The following SRCAP variants were observed in gnomAD, a reference collection of about 807,000 sequenced individuals.
SRCAP encodes chromatin remodeling protein SRCAP.
A neutral mutation model predicts 263.1 loss-of-function variants in SRCAP; 46 were observed. The observed-to-expected ratio is 0.17, with a 90% CI of 0.14 to 0.22. The LOEUF (loss-of-function observed/expected upper bound fraction) is 0.22, where lower values mean the gene tolerates loss of function less well. Among genes scored for constraint, SRCAP ranks in the 10% least tolerant of loss-of-function variants. SRCAP has a pLI of 1.00. For missense variants in SRCAP, 3,695 were observed against 4,181.9 expected (o/e 0.88, Z 3.21); for synonymous variants, 1,813 against 1,662.1 (o/e 1.09, Z -2.21).
intron 4 of SRCAP, among the ~76,000 whole-genome samples, chr16:30,705,972 G>C (rs1011258110): frequency 6.6e-6 from 1 of 152,158 alleles, no homozygotes; most frequent in African/African-American, 2.4e-5. Context: ...CCAAAGTGCT[G>C]GGATTACAGG....
rs201481558 is a variant in SRCAP, at chr16:30,710,096, G to A, written c.1102G>A (p.Gly368Ser). The A allele has an allele frequency of 1.9e-6, 3 of 1,613,960 alleles. No individual in the cohort carries two copies. Among genetic ancestry groups the A allele is most frequent in the Non-Finnish European group, 2.5e-6 (3 of 1,180,002 alleles). Residue 368 changes from glycine (G) to serine (S), a missense_variant, in exon 8 of 34, where the codon GGT becomes AGT. Coordinates refer to ENST00000262518, the MANE Select transcript of SRCAP (RefSeq NM_006662.3). Reference sequence around the variant, plus strand: ...TGACACCCGAGATGGGCCTGAAGAAGGTGCTGAAGAAGAGCCCCCTCAGGT... The same window carrying A: ...TGACACCCGAGATGGGCCTGAAGAAAGTGCTGAAGAAGAGCCCCCTCAGGT... ...DSDTRDGPEE[G>S]AEEEPPQVLE...
chr16:30,711,210 AAGAC>A, intron 10 of SRCAP, 122 bp downstream of exon 10: 1 of 743,486 alleles, frequency 1.3e-6, no homozygotes, highest in Non-Finnish European at 2.3e-6. Context: ...TCTAATGACT[AAGAC>A]AGACTTGTAA....
rs1226052541 is a variant in SRCAP, at chr16:30,711,184, C to T, written c.1318+96C>T. The T allele has an allele frequency of 7.8e-6, 7 of 903,110 alleles. No homozygotes were observed. The African/African-American group carries it at 1.2e-4, about 15-fold the overall frequency. The allele number at this position is 903,110 out of a possible 1,614,324, so 55.9% of individuals were successfully genotyped here. ...ATGAATAAGGCACTTTGTATCCACCCTGGAGGAATTCCATGTCTAATGACT... is the reference window on the plus strand; with the variant it reads ...ATGAATAAGGCACTTTGTATCCACCTTGGAGGAATTCCATGTCTAATGACT... On this transcript the variant is annotated intron_variant, in intron 10 of 33. Transcript: ENST00000262518.
Position 30,738,166 on chromosome 16 carries a change from C to T in SRCAP, c.8126C>T (p.Ser2709Phe), listed in dbSNP as rs559812256. 6.2e-7 allele frequency: 1 copy of T among 1,614,222 alleles called. No individual in the cohort carries two copies. Among genetic ancestry groups the T allele is most frequent in the Non-Finnish European group, 8.5e-7 (1 of 1,180,036 alleles). The change falls in exon 34 of 34, where the codon TCC becomes TTC. Residue 2709 changes from serine to phenylalanine, a missense_variant. Physicochemically the swap from Ser to Phe is radical, Grantham distance 155 (BLOSUM62 -2). Around this residue, in one of 12 missense-constraint regions of SRCAP, gnomAD observed 1,207 missense variants for 1,142.9 expected, o/e 1.06. Transcript: ENST00000262518. ...CCATCCACCTCATCTTCAGCCACTT[C>T]CTCGCCTGAGGGTCCTTCACCTGCC... The part of the protein sequence containing the change: ...AAPSTSSSAT[S>F]SPEGPSPARP...
chr16:30,736,588 G>C lies in SRCAP; in HGVS notation c.6972G>C (p.Leu2324=). Residue 2324 remains leucine (L), a synonymous_variant, in exon 33 of 34, where the codon CTG becomes CTC. Transcript: ENST00000262518. ...RYAMKFLEAS[L]EEVSREELKQ... is the part of the protein sequence containing the mutation. The stretch of plus-strand genomic sequence containing the variant: ...CCATGAAATTCCTGGAGGCCTCACT[G>C]GAGGAGGTGAGCCGAGAGGAGCTCA... 1.9e-6 allele frequency: 3 copies of C among 1,614,240 alleles called. No individual in the cohort carries two copies. Among genetic ancestry groups the C allele is most frequent in the Non-Finnish European group, 2.5e-6 (3 of 1,180,048 alleles).
Position 30,739,751 on chromosome 16 carries a change from C to T in SRCAP, c.*18C>T. On this transcript the variant is annotated 3_prime_UTR_variant, in exon 34 of 34. Coordinates refer to ENST00000262518, the MANE Select transcript of SRCAP (RefSeq NM_006662.3). ...AGACGTGAGTGGGCTGCCCCTCCAC[C>T]TAGGCTTTCCACCGTGGCCACTCCC... 1.4e-6 allele frequency: 2 copies of T among 1,457,034 alleles called. No individual in the cohort carries two copies. The highest frequency in any genetic ancestry group is 1.8e-6 in the Non-Finnish European group (2 of 1,103,154). The allele number at this position is 1,457,034 out of a possible 1,614,324, so 90.3% of individuals were successfully genotyped here.
intron 16 of SRCAP, among the ~76,000 whole-genome samples, chr16:30,715,644 C>G (rs927468821): frequency 1.3e-5 from 2 of 150,972 alleles, no homozygotes; most frequent in Admixed American, 1.3e-4. Context: ...TTTACTTCTT[C>G]CGTGTCACTG....
At chr16:30,721,124 C>T (rs1458584844) in intron 20 of SRCAP, 65 bp from the exon 21 acceptor site, 15 of 1,545,774 alleles carry the variant, frequency 9.7e-6, no homozygotes, top group Middle Eastern at 1.8e-4. Context: ...AGTATGGAGG[C>T]TTCTGGCACC....
intron 4 of SRCAP, among the ~76,000 whole-genome samples, chr16:30,706,570 T>G (rs961556454): frequency 6.6e-6 from 1 of 152,224 alleles, no homozygotes; most frequent in African/African-American, 2.4e-5. Context: ...ATGACCACTC[T>G]TTTTTACACC....
chr16:30,717,947 TG>T (rs1163175704), intron 18 of SRCAP, among the ~76,000 whole-genome samples: 2 of 149,646 alleles, frequency 1.3e-5, no homozygotes, highest in Admixed American at 1.3e-4. Context: ...CTGGAAGAGA[TG>T]GTGTCTTGCC....
Position 30,733,873 on chromosome 16 carries a change from A to G in SRCAP, c.6495-21A>G, listed in dbSNP as rs1293414260. 43 of 1,613,378 alleles carry G rather than the reference A, an allele frequency of 2.7e-5. No individual in the cohort carries two copies. Among genetic ancestry groups the G allele is most frequent in the Non-Finnish European group, 3.4e-5 (40 of 1,179,692 alleles). On this transcript the variant is annotated intron_variant, in intron 29 of 33. Coordinates refer to ENST00000262518, the MANE Select transcript of SRCAP (RefSeq NM_006662.3). This position sits in a 1 kb window ranked among gnomAD's most constrained non-coding sequence, Gnocchi z 5.3. ...CCTGGATATATTTGGCTGCTTACAC[A>G]CGGCCTTCATCACCCCCTAGGCTTA...
chr16:30,711,151 A>T (rs879227445), intron 10 of SRCAP, 63 bp downstream of exon 10: 3 of 1,330,144 alleles, frequency 2.3e-6, no homozygotes, highest in South Asian at 2.5e-5. Flanking sequence ...AGTACCAAGG[A>T]TAAAGAGATG....
At chr16:30,715,282 T>A (rs1293915777) in intron 16 of SRCAP, among the ~76,000 whole-genome samples, 1 of 152,206 alleles carries the variant, frequency 6.6e-6, no homozygotes, top group Non-Finnish European at 1.5e-5. Context: ...AAACAGGAAG[T>A]CGGCCGGGCG....
At chr16:30,720,384 T>A in intron 19 of SRCAP, 53 bp downstream of exon 19, 3 of 1,576,508 alleles carry the variant, frequency 1.9e-6, no homozygotes, top group Non-Finnish European at 2.6e-6. Context: ...GGCTGAAAGC[T>A]GCCCAGAGGG....
Position 30,739,779 on chromosome 16 carries a change from C to A in SRCAP, c.*46C>A. On this transcript the variant is annotated 3_prime_UTR_variant, in exon 34 of 34. Transcript: ENST00000262518. ...GGCTTTCCACCGTGGCCACTCCCTC[C>A]ATGACCAGGCCTGACTCTGTTAACC... 1 of 1,449,580 alleles carries A rather than the reference C, an allele frequency of 6.9e-7. No homozygotes were observed. Among genetic ancestry groups the A allele is most frequent in the Non-Finnish European group, 9.1e-7 (1 of 1,099,180 alleles). 89.8% of individuals were successfully genotyped at this position (1,449,580 alleles called of 1,614,324 possible). A position where few individuals can be genotyped will look rare whatever the true frequency, so the allele number is the denominator to read the frequency against.
Position 30,733,883 on chromosome 16 carries a change from TCA to T in SRCAP, c.6495-9_6495-8del, listed in dbSNP as rs2053135484. The T allele has an allele frequency of 6.2e-7, 1 of 1,613,556 alleles. No individual in the cohort carries two copies. The highest frequency in any genetic ancestry group is 1.7e-5 in the Admixed American group (1 of 59,906). On this transcript the variant is annotated splice_polypyrimidine_tract_variant and intron_variant, in intron 29 of 33. Transcript: ENST00000262518. The surrounding 1 kb of genome is among the most constrained non-coding windows in gnomAD (Gnocchi z 5.3). Reference sequence around the variant, plus strand: ...TTTGGCTGCTTACACACGGCCTTCATCACCCCCTAGGCTTATCAGTGAACGGA... The same window carrying T: ...TTTGGCTGCTTACACACGGCCTTCATCCCCCTAGGCTTATCAGTGAACGGA...
chr16:30,706,056 AAT>A (rs758925151), intron 4 of SRCAP, among the ~76,000 whole-genome samples: 2 of 152,162 alleles, frequency 1.3e-5, no homozygotes, highest in Non-Finnish European at 2.9e-5. Flanking sequence ...CAGCTGGTCT[AAT>A]ATCCACGTCT....
chr16:30,708,709 G>A (rs1398980383), intron 6 of SRCAP, among the ~76,000 whole-genome samples: 1 of 152,050 alleles, frequency 6.6e-6, no homozygotes, highest in Admixed American at 6.5e-5. Context: ...ATATTTTTTT[G>A]TGGAGACAAG....
intron 13 of SRCAP, 66 bp downstream of exon 13, chr16:30,712,505 G>A: frequency 3.3e-6 from 5 of 1,526,762 alleles, no homozygotes; most frequent in Non-Finnish European, 4.4e-6. Flanking sequence ...GTTCAGTGAT[G>A]ACTCCAGCTT....
Sources: gnomAD v4.1 joint callset for allele counts (sites outside exome capture counted in the v4.1 genomes callset) on GRCh38, gnomAD v4.1.1 for gene constraint, gnomAD v4.1.1 regional missense constraint, Gnocchi (gnomAD v3.1) non-coding constraint, MANE v1.5 for transcripts, NCBI Gene and HGNC (gene_info 2026-07-23, HGNC 2026-07-21) for gene names.